Variants in PDZD2 observed in about 807,000 individuals in gnomAD.
PDZD2 encodes the protein PDZ domain containing 2, also known as PDZ domain-containing protein 2.
A neutral mutation model predicts 220.7 loss-of-function variants in PDZD2; 90 were observed. The observed-to-expected ratio is 0.41, with a 90% confidence interval of 0.34 to 0.49. The LOEUF (loss-of-function observed/expected upper bound fraction) is 0.49. Among genes scored for constraint, PDZD2 ranks in the 20% least tolerant of loss-of-function variants. PDZD2 has a pLI of 0.28. For synonymous variants in PDZD2, 1,375 were observed against 1,450.5 expected (o/e 0.95, Z 1.18); for missense variants, 3,174 against 3,608.5 (o/e 0.88, Z 3.08).
At chr5:31,822,408 C>T (rs1274229641) in intron 2 of PDZD2, among the ~76,000 whole-genome samples, 1 of 151,106 alleles carries the variant, frequency 6.6e-6, no homozygotes, top group Non-Finnish European at 1.5e-5. Flanking sequence ...GTAGCTAGGA[C>T]TACAGGTGCA....
At chr5:31,831,777 G>A (rs1756607296) in intron 2 of PDZD2, among the ~76,000 whole-genome samples, 1 of 151,158 alleles carries the variant, frequency 6.6e-6, no homozygotes. Context: ...AGCTGGGCGT[G>A]GTGGCGCTCA....
intron 2 of PDZD2, among the ~76,000 whole-genome samples, chr5:31,948,302 G>A (rs1244204527): frequency 6.6e-6 from 1 of 152,154 alleles, no homozygotes; most frequent in African/African-American, 2.4e-5. Context: ...GGCGAGGGCT[G>A]TCTTTGATAC....
chr5:31,810,397 G>GGACT (rs3032830), intron 2 of PDZD2, among the ~76,000 whole-genome samples: 100,636 of 151,304 alleles, frequency 0.67, 33,718 homozygotes, highest in East Asian at 0.75. Flanking sequence ...CGAGTAGCTG[G>GGACT]GACTACAGGT....
chr5:31,773,312 C>T (rs774456621), intron 1 of PDZD2, among the ~76,000 whole-genome samples: 5 of 152,044 alleles, frequency 3.3e-5, no homozygotes, highest in Non-Finnish European at 7.4e-5. Flanking sequence ...AACTATTCAG[C>T]AAGAAATTTG....
intron 1 of PDZD2, among the ~76,000 whole-genome samples, chr5:31,653,830 G>A (rs1238744465): frequency 6.6e-6 from 1 of 152,062 alleles, no homozygotes; most frequent in Non-Finnish European, 1.5e-5. Flanking sequence ...TGTCACTCAG[G>A]CTGGAGTGCA....
At chr5:31,711,150 TG>T (rs1748083338) in intron 1 of PDZD2, among the ~76,000 whole-genome samples, 2 of 152,132 alleles carry the variant, frequency 1.3e-5, no homozygotes, top group African/African-American at 4.8e-5. Flanking sequence ...CCACGCCAGA[TG>T]TTCATCATGG....
intron 2 of PDZD2, among the ~76,000 whole-genome samples, chr5:31,888,700 T>C (rs997020147): frequency 6.6e-6 from 1 of 152,182 alleles, no homozygotes. Context: ...AATAACCAAC[T>C]GTTGAGGATG....
intron 15 of PDZD2, among the ~76,000 whole-genome samples, chr5:32,070,135 A>G (rs961142478): frequency 1.3e-5 from 2 of 152,186 alleles, no homozygotes; most frequent in Non-Finnish European, 2.9e-5. Context: ...TAGGAATTTC[A>G]TATGAATTTA....
chr5:31,968,585 G>A (rs762236848), intron 2 of PDZD2, among the ~76,000 whole-genome samples: 80 of 152,214 alleles, frequency 5.3e-4, no homozygotes, highest in Non-Finnish European at 8.7e-4. Flanking sequence ...CCCAGGAGGC[G>A]GGGAGGTTGG....
At chr5:31,834,946 T>C (rs1403110299) in intron 2 of PDZD2, among the ~76,000 whole-genome samples, 3 of 151,368 alleles carry the variant, frequency 2.0e-5, no homozygotes, top group Non-Finnish European at 4.4e-5. Flanking sequence ...TATATATATG[T>C]AAAGAGATTT....
At chr5:31,725,326 A>G (rs1481454746) in intron 1 of PDZD2, among the ~76,000 whole-genome samples, 11 of 148,100 alleles carry the variant, frequency 7.4e-5, no homozygotes, top group Admixed American at 1.4e-4. Flanking sequence ...GGACGAGAGC[A>G]AAACTCCATC....
chr5:31,689,090 T>TAACAAGTGACA lies in PDZD2; in HGVS notation c.-361+49654_-361+49655insACAAGTGACAA, dbSNP rs1390905731. Among the ~76,000 whole-genome samples, 7 of 151,868 alleles carry TAACAAGTGACA rather than the reference T, an allele frequency of 4.6e-5. No individual in the cohort carries two copies. The East Asian group carries it at 1.4e-3, about 30-fold the overall frequency. On this transcript the variant is annotated intron_variant, in intron 1 of 24. Coordinates refer to ENST00000438447, the MANE Select transcript of PDZD2 (RefSeq NM_178140.4). ...GTTTTTTGGGGGGTTTTTATTTAGA[T>TAACAAGTGACA]AGAGTTTCGCTCTTGTCACTCAGGC...
chr5:31,983,624 A>G lies in PDZD2; in HGVS notation c.946A>G (p.Thr316Ala). 6.2e-7 allele frequency: 1 copy of G among 1,613,992 alleles called. No homozygotes were observed. The highest frequency in any genetic ancestry group is 1.1e-5 in the South Asian group (1 of 91,074). ...DKRRFSKGGKTDFQSSDCLAR... is the reference protein window; with the variant it reads ...DKRRFSKGGKADFQSSDCLAR... ...ACGCCGCTTCTCAAAAGGTGGGAAGACGGACTTCCAATCGAGTGACTGCCT... is the reference window on the plus strand; with the variant it reads ...ACGCCGCTTCTCAAAAGGTGGGAAGGCGGACTTCCAATCGAGTGACTGCCT... Residue 316 changes from threonine (T) to alanine (A), a missense_variant, in exon 3 of 25, where the codon ACG becomes GCG. Thr to Ala is a moderately conservative substitution (Grantham distance 58). Transcript: ENST00000438447.
chr5:32,096,992 C>T (rs916136266), intron 21 of PDZD2, among the ~76,000 whole-genome samples: 1 of 152,010 alleles, frequency 6.6e-6, no homozygotes, highest in African/African-American at 2.4e-5. Flanking sequence ...TGCAACACCA[C>T]ACCTGGCTGA....
chr5:31,833,870 C>T (rs979192951), intron 2 of PDZD2, among the ~76,000 whole-genome samples: 1 of 152,204 alleles, frequency 6.6e-6, no homozygotes, highest in African/African-American at 2.4e-5. Context: ...GCCATGGTGA[C>T]ATCATGAGGC....
At chr5:31,786,789 A>C (rs986233937) in intron 1 of PDZD2, among the ~76,000 whole-genome samples, 2 of 152,218 alleles carry the variant, frequency 1.3e-5, no homozygotes, top group African/African-American at 4.8e-5. Flanking sequence ...ACAGCTAGCT[A>C]GTGGCAGAGT....
intron 6 of PDZD2, among the ~76,000 whole-genome samples, chr5:32,025,353 C>G (rs1754554003): frequency 6.6e-6 from 1 of 151,860 alleles, no homozygotes; most frequent in Non-Finnish European, 1.5e-5. Context: ...TGGAGAAACC[C>G]TGTCTCTACT....
intron 2 of PDZD2, among the ~76,000 whole-genome samples, chr5:31,947,206 G>C (rs923226671): frequency 2.0e-5 from 3 of 152,188 alleles, no homozygotes; most frequent in Non-Finnish European, 2.9e-5. Flanking sequence ...CAAAGACCAG[G>C]TTCTATGTGT....
Position 31,721,586 on chromosome 5 carries a change from C to T in PDZD2, c.-360-77303C>T, listed in dbSNP as rs138560088. ...AAGGAAAGGAAAGGATAAAGTGAAA[C>T]GTACAAGTCGCTCCATAACTAGCAT... On this transcript the variant is annotated intron_variant, in intron 1 of 24. Coordinates refer to ENST00000438447, the MANE Select transcript of PDZD2 (RefSeq NM_178140.4). Among the ~76,000 whole-genome samples the T allele has an allele frequency of 4.9e-3, 685 of 139,770 alleles. 6 individuals are homozygous for T. Among genetic ancestry groups the T allele is most frequent in the Middle Eastern group, 0.018 (4 of 224 alleles). The allele number at this position is 139,770 out of a possible 152,430, so 91.7% of individuals were successfully genotyped here.
Sources: gnomAD v4.1 joint callset for allele counts (sites outside exome capture counted in the v4.1 genomes callset) on GRCh38, gnomAD v4.1.1 for gene constraint, MANE v1.5 for transcripts, NCBI Gene and HGNC (gene_info 2026-07-23, HGNC 2026-07-21) for gene names.